NLGN1: variants seen among roughly 807,000 people sequenced by gnomAD.
The protein encoded by NLGN1 is neuroligin-1.
Under a neutral mutation model 65.5 loss-of-function variants are expected in NLGN1, and 12 were observed. The observed-to-expected ratio is 0.18, with a 90% CI of 0.12 to 0.30. The LOEUF (loss-of-function observed/expected upper bound fraction) is 0.30, where lower values mean the gene tolerates loss of function less well. NLGN1 is among the 10% of genes least tolerant of loss of function. The pLI is 1.00. For missense variants in NLGN1, 750 were observed against 1,007.1 expected (o/e 0.74, Z 3.46); for synonymous variants, 350 against 359.5 (o/e 0.97, Z 0.30).
At chr3:173,872,672 A>G (rs1731394929) in intron 4 of NLGN1, among the ~76,000 whole-genome samples, 2 of 152,304 alleles carry the variant, frequency 1.3e-5, no homozygotes, top group African/African-American at 4.8e-5. Flanking sequence ...CAGGGCTATA[A>G]GAATGACAGA....
intron 2 of NLGN1, among the ~76,000 whole-genome samples, chr3:173,498,014 G>A (rs1329855938): frequency 6.6e-6 from 1 of 151,554 alleles, no homozygotes; most frequent in East Asian, 1.9e-4. Context: ...ATTTGTATTT[G>A]GATGGTAAAT....
chr3:174,075,306 G>A (rs1267964517), intron 4 of NLGN1, among the ~76,000 whole-genome samples: 4 of 152,014 alleles, frequency 2.6e-5, no homozygotes, highest in South Asian at 2.1e-4. Flanking sequence ...TTTATTTTAA[G>A]AAAGCATACT....
intron 3 of NLGN1, among the ~76,000 whole-genome samples, chr3:173,733,528 G>A (rs1773209532): frequency 6.6e-6 from 1 of 152,136 alleles, no homozygotes; most frequent in Non-Finnish European, 1.5e-5. Context: ...CCTGGGTGGT[G>A]AAAGTGGAAG....
At chr3:173,844,173 T>C (rs1211147564) in intron 4 of NLGN1, among the ~76,000 whole-genome samples, 1 of 152,110 alleles carries the variant, frequency 6.6e-6, no homozygotes, top group Admixed American at 6.5e-5. Flanking sequence ...CATAATTCAA[T>C]AACCTCCCAC....
intron 4 of NLGN1, among the ~76,000 whole-genome samples, chr3:173,994,136 C>A (rs940847708): frequency 6.6e-6 from 1 of 151,970 alleles, no homozygotes; most frequent in East Asian, 1.9e-4. Context: ...AATACAGGGT[C>A]TCACTCTGTC....
At chr3:173,415,637 AG>A (rs938554002) in intron 1 of NLGN1, among the ~76,000 whole-genome samples, 6 of 152,226 alleles carry the variant, frequency 3.9e-5, no homozygotes, top group Non-Finnish European at 8.8e-5. Flanking sequence ...GTAGTATTAA[AG>A]GACCAATAGG....
chr3:173,510,824 G>A (rs1344887956), intron 2 of NLGN1, among the ~76,000 whole-genome samples: 1 of 152,156 alleles, frequency 6.6e-6, no homozygotes, highest in African/African-American at 2.4e-5. Context: ...TATGCTGTGG[G>A]TCCTGTCTGG....
chr3:173,669,017 A>G (rs1762105244), intron 3 of NLGN1, among the ~76,000 whole-genome samples: 1 of 152,224 alleles, frequency 6.6e-6, no homozygotes, highest in African/African-American at 2.4e-5. Flanking sequence ...TGCATAGTCC[A>G]TAGTGGATTA....
intron 2 of NLGN1, among the ~76,000 whole-genome samples, chr3:173,517,980 C>T (rs1484255234): frequency 6.6e-6 from 1 of 152,124 alleles, no homozygotes; most frequent in Non-Finnish European, 1.5e-5. Flanking sequence ...TATTCTCATA[C>T]AACCATCCTT....
At chr3:173,685,947 TATC>T (rs1421552287) in intron 3 of NLGN1, among the ~76,000 whole-genome samples, 2 of 152,180 alleles carry the variant, frequency 1.3e-5, no homozygotes, top group African/African-American at 4.8e-5. Context: ...ACGTGGACTA[TATC>T]AAGCTACAAG....
intron 3 of NLGN1, among the ~76,000 whole-genome samples, chr3:173,753,928 C>CGTAATATAATATAATA (rs2150169261): frequency 1.0e-5 from 1 of 96,538 alleles, no homozygotes; most frequent in African/African-American, 4.7e-5. Context: ...CCAGTATCTA[C>CGTAATATAATATAATA]ATAATATAAT....
chr3:174,260,113 T>C (rs2152856815), intron 4 of NLGN1, among the ~76,000 whole-genome samples: 1 of 152,056 alleles, frequency 6.6e-6, no homozygotes, highest in East Asian at 1.9e-4. Flanking sequence ...GTTCCAAGTT[T>C]TTGCTATTGT....
At chr3:173,649,415 CAT>C (rs1395390848) in intron 3 of NLGN1, among the ~76,000 whole-genome samples, 1 of 152,034 alleles carries the variant, frequency 6.6e-6, no homozygotes, top group Non-Finnish European at 1.5e-5. Flanking sequence ...ACATGTCATA[CAT>C]ATGTCAATAC....
intron 2 of NLGN1, among the ~76,000 whole-genome samples, chr3:173,565,996 T>C (rs1577305010): frequency 6.6e-6 from 1 of 152,188 alleles, no homozygotes; most frequent in East Asian, 1.9e-4. Context: ...GTTCATCCTC[T>C]TGAAACTCAA....
chr3:174,078,874 A>G (rs749450000), intron 4 of NLGN1, among the ~76,000 whole-genome samples: 7 of 152,174 alleles, frequency 4.6e-5, no homozygotes, highest in Non-Finnish European at 1.0e-4. Context: ...AATATCTTGC[A>G]TTTACCCTCT....
intron 4 of NLGN1, among the ~76,000 whole-genome samples, chr3:173,989,266 A>G (rs1263405583): frequency 6.6e-6 from 1 of 152,172 alleles, no homozygotes; most frequent in African/African-American, 2.4e-5. Flanking sequence ...TTGTACTCAG[A>G]ACAATCTAAG....
At chr3:173,415,904 T>C (rs56077530) in intron 1 of NLGN1, among the ~76,000 whole-genome samples, 2 of 125,440 alleles carry the variant, frequency 1.6e-5, no homozygotes, top group Admixed American at 1.6e-4. Flanking sequence ...TATATATATA[T>C]AGAGAGAGAG....
At chr3:173,701,116 G>T (rs868583568) in intron 3 of NLGN1, among the ~76,000 whole-genome samples, 3 of 152,074 alleles carry the variant, frequency 2.0e-5, no homozygotes, top group Admixed American at 2.0e-4. Flanking sequence ...GTGACACAGC[G>T]AGACTCCGTC....
intron 4 of NLGN1, among the ~76,000 whole-genome samples, chr3:174,009,508 C>T (rs1725092817): frequency 6.6e-6 from 1 of 152,036 alleles, no homozygotes; most frequent in Non-Finnish European, 1.5e-5. Context: ...GAAAAAAAGG[C>T]TTAGAGAGAC....
Sources: allele counts gnomAD v4.1 joint callset (sites outside exome capture counted in the v4.1 genomes callset), GRCh38; gene constraint gnomAD v4.1.1; transcripts MANE v1.5; gene names NCBI Gene and HGNC (gene_info 2026-07-23, HGNC 2026-07-21).